RFX3: variants seen among roughly 807,000 people sequenced by gnomAD.
RFX3 encodes the protein transcription factor RFX3.
RFX3 carries 14 observed loss-of-function variants against 98.6 expected under a neutral mutation model. The ratio of observed to expected loss-of-function variants is 0.14; its 90% CI spans 0.09 to 0.22. RFX3 has a LOEUF of 0.22. RFX3 is among the 10% of genes least tolerant of loss of function. RFX3 has a pLI of 1.00. For missense variants in RFX3, 639 were observed against 926.9 expected (o/e 0.69, Z 4.03); for synonymous variants, 383 against 328.4 (o/e 1.17, Z -1.80).
intron 8 of RFX3, 73 bp from the exon 9 acceptor site, chr9:3,275,685 T>G (rs1246287187): frequency 3.6e-6 from 3 of 829,708 alleles, no homozygotes; most frequent in Non-Finnish European, 5.7e-6. Flanking sequence ...AGGGAAAATT[T>G]AAGAAGACCA....
intron 1 of RFX3, among the ~76,000 whole-genome samples, chr9:3,518,392 T>C (rs542463973): frequency 2.5e-4 from 38 of 152,268 alleles, no homozygotes; most frequent in African/African-American, 8.9e-4. Context: ...TGGGGCTAAT[T>C]ATCTACAAAA....
rs1017681462 is a variant in RFX3, at chr9:3,219,186, G to A, written c.*5856C>T. The A allele has an allele frequency of 6.6e-6, 1 of 152,072 alleles. No individual in the cohort carries two copies. The highest frequency in any genetic ancestry group is 1.5e-5 in the Non-Finnish European group (1 of 67,990). The allele number at this position is 152,072 out of a possible 1,614,324, so 9.4% of individuals were successfully genotyped here. ...AAAAGATGCTTTTTAAACGAATAAAGTTCAATAGATTCTTTATTGGGTCAT... is the reference window on the plus strand; with the variant it reads ...AAAAGATGCTTTTTAAACGAATAAAATTCAATAGATTCTTTATTGGGTCAT... On this transcript the variant is annotated 3_prime_UTR_variant, in exon 17 of 17. Coordinates refer to ENST00000617270, the MANE Select transcript of RFX3 (RefSeq NM_001282116.2).
chr9:3,239,085 G>T (rs1819570286), intron 15 of RFX3, among the ~76,000 whole-genome samples: 2 of 151,606 alleles, frequency 1.3e-5, no homozygotes, highest in Non-Finnish European at 2.9e-5. Context: ...ATGGTGAAAA[G>T]AAACATCTTG....
At chr9:3,245,224 A>C (rs1159171766) in intron 15 of RFX3, among the ~76,000 whole-genome samples, 1 of 152,208 alleles carries the variant, frequency 6.6e-6, no homozygotes, top group East Asian at 1.9e-4. Flanking sequence ...CTCCCTGAGA[A>C]ACTGATTTTT....
At chr9:3,485,075 G>A (rs937688469) in intron 1 of RFX3, among the ~76,000 whole-genome samples, 18 of 151,970 alleles carry the variant, frequency 1.2e-4, no homozygotes, top group Non-Finnish European at 2.4e-4. Flanking sequence ...CGGTATCACC[G>A]CACTCCAGTC....
rs1476381509 is a variant in RFX3 at position 3,223,204 on chromosome 9, T to C, written c.*1838A>G. 1 of 152,202 alleles carries C rather than the reference T, an allele frequency of 6.6e-6. No individual in the cohort carries two copies. The highest frequency in any genetic ancestry group is 1.9e-4 in the East Asian group (1 of 5,196). The allele number at this position is 152,202 out of a possible 1,614,324, so 9.4% of individuals were successfully genotyped here. A position where few individuals can be genotyped will look rare whatever the true frequency, so the allele number is the denominator to read the frequency against. On this transcript the variant is annotated 3_prime_UTR_variant, in exon 17 of 17. Transcript: ENST00000617270. The stretch of plus-strand genomic sequence containing the variant: ...TCTATTTATTTTTGCTGATTAGTTT[T>C]TTACAACTATTTAAATGAACAGATG...
chr9:3,334,686 T>C (rs1832963789), intron 3 of RFX3, among the ~76,000 whole-genome samples: 1 of 152,166 alleles, frequency 6.6e-6, no homozygotes, highest in African/African-American at 2.4e-5. Flanking sequence ...GTAGCAATTT[T>C]TAGGGAGAAA....
chr9:3,227,284 G>T lies in RFX3; in HGVS notation c.2011+1563C>A, dbSNP rs147984447. 7.1e-3 allele frequency among the ~76,000 whole-genome samples: 1,075 copies of T among 152,292 alleles called. 4 individuals carry two copies. Among genetic ancestry groups the T allele is most frequent in the Non-Finnish European group, 1.0e-2 (677 of 68,014 alleles). ...TTTTGTTGTGGATGGAAAGGGTAGT[G>T]AGAAAATGGACTGGACGATTTAAGT... On this transcript the variant is annotated intron_variant, in intron 16 of 16. Coordinates refer to ENST00000617270, the MANE Select transcript of RFX3 (RefSeq NM_001282116.2).
At chr9:3,522,571 G>T (rs1818829308) in intron 1 of RFX3, among the ~76,000 whole-genome samples, 1 of 151,814 alleles carries the variant, frequency 6.6e-6, no homozygotes, top group Admixed American at 6.6e-5. Flanking sequence ...GTGTGTGTGT[G>T]TGTGTGTGTG....
At position 3,218,952 on chromosome 9, in the gene RFX3, A is replaced by G. The variant is rs1817206401; in HGVS notation, c.*6090T>C. ...AAAAAAACACAATGAAAGAAGTTTT[A>G]CCTAGAAGGTACGAAAGCCCTGAGT... On this transcript the variant is annotated 3_prime_UTR_variant, in exon 17 of 17. Transcript: ENST00000617270. 6.6e-6 allele frequency: 1 copy of G among 152,174 alleles called. No homozygotes were observed. Among genetic ancestry groups the G allele is most frequent in the Admixed American group, 6.5e-5 (1 of 15,276 alleles). The allele number at this position is 152,174 out of a possible 1,614,324, so 9.4% of individuals were successfully genotyped here.
intron 1 of RFX3, among the ~76,000 whole-genome samples, chr9:3,402,864 A>G (rs1379371865): frequency 1.3e-5 from 2 of 152,044 alleles, no homozygotes; most frequent in Non-Finnish European, 1.5e-5. Context: ...AATGTACACA[A>G]TTCCAGCTAT....
intron 4 of RFX3, among the ~76,000 whole-genome samples, chr9:3,316,276 A>G (rs887875926): frequency 4.6e-5 from 7 of 152,350 alleles, no homozygotes; most frequent in African/African-American, 1.7e-4. Context: ...GACAAAAACC[A>G]TATGATTATC....
At chr9:3,406,625 T>C (rs952054141) in intron 1 of RFX3, among the ~76,000 whole-genome samples, 3 of 152,074 alleles carry the variant, frequency 2.0e-5, no homozygotes, top group Non-Finnish European at 2.9e-5. Context: ...GAAAGAACAA[T>C]CTCCAAAGAA....
chr9:3,303,508 T>C (rs1021555974), intron 4 of RFX3, among the ~76,000 whole-genome samples: 1 of 151,948 alleles, frequency 6.6e-6, no homozygotes, highest in Non-Finnish European at 1.5e-5. Flanking sequence ...AAATGATCTG[T>C]AACTTTTGAT....
chr9:3,504,900 TTATATATATATATAATATAA>T lies in RFX3; in HGVS notation c.-9+20827_-9+20846del, dbSNP rs1564185535. Among the ~76,000 whole-genome samples the T allele has an allele frequency of 1.6e-3, 101 of 62,698 alleles. 3 individuals are homozygous for T. The highest frequency in any genetic ancestry group is 8.6e-3 in the African/African-American group (93 of 10,758). The allele number at this position is 62,698 out of a possible 152,430, so 41.1% of individuals were successfully genotyped here. On this transcript the variant is annotated intron_variant, in intron 1 of 16. Transcript: ENST00000617270. ...TATATTATATATAATATAACATATA[TTATATATATATATAATATAA>T]CATATATTATATATAATATATATAA...
chr9:3,375,743 A>G (rs558552808), intron 2 of RFX3, among the ~76,000 whole-genome samples: 44 of 152,178 alleles, frequency 2.9e-4, no homozygotes, highest in Non-Finnish European at 4.9e-4. Flanking sequence ...GGTGGATCAC[A>G]AGGTCAGGAG....
At chr9:3,478,901 A>G (rs1203268585) in intron 1 of RFX3, among the ~76,000 whole-genome samples, 1 of 152,168 alleles carries the variant, frequency 6.6e-6, no homozygotes, top group African/African-American at 2.4e-5. Context: ...CCCTGGGGGT[A>G]AGCTTTTTCT....
intron 3 of RFX3, among the ~76,000 whole-genome samples, chr9:3,335,998 T>G (rs1417932481): frequency 1.3e-5 from 2 of 152,204 alleles, no homozygotes; most frequent in East Asian, 3.8e-4. Flanking sequence ...TTATCCACAA[T>G]TCCAGATACT....
At chr9:3,266,893 G>C (rs1368465143) in intron 11 of RFX3, among the ~76,000 whole-genome samples, 1 of 152,032 alleles carries the variant, frequency 6.6e-6, no homozygotes, top group Non-Finnish European at 1.5e-5. Context: ...TTGGCAGGTA[G>C]AGGTAAACGA....
Sources: allele counts gnomAD v4.1 joint callset (sites outside exome capture counted in the v4.1 genomes callset), GRCh38; gene constraint gnomAD v4.1.1; transcripts MANE v1.5; gene names NCBI Gene and HGNC (gene_info 2026-07-23, HGNC 2026-07-21).